DPPA3: variants seen among roughly 807,000 people sequenced by gnomAD.
DPPA3 encodes the protein developmental pluripotency-associated protein 3.
A neutral mutation model predicts 15.6 loss-of-function variants in DPPA3; 9 were observed. The ratio of observed to expected loss-of-function variants is 0.58; its 90% confidence interval spans 0.35 to 1.01. The LOEUF (loss-of-function observed/expected upper bound fraction) is 1.01. DPPA3 is among the 50% of genes least tolerant of loss of function. DPPA3 has a pLI of 0.02. For synonymous variants in DPPA3, 61 were observed against 70.9 expected (o/e 0.86, Z 0.70); for missense variants, 148 against 194.6 (o/e 0.76, Z 1.42).
chr12:7,713,758 G>A (rs1295678771), intron 1 of DPPA3, among the ~76,000 whole-genome samples: 1 of 152,204 alleles, frequency 6.6e-6, no homozygotes, highest in Admixed American at 6.5e-5. Flanking sequence ...GGAGAAAATA[G>A]TATATGGGTT....
intron 1 of DPPA3, among the ~76,000 whole-genome samples, chr12:7,713,337 AG>A (rs1361319217): frequency 6.6e-6 from 1 of 152,244 alleles, no homozygotes; most frequent in African/African-American, 2.4e-5. Flanking sequence ...CGAGTGGGAA[AG>A]AAAAATGAAC....
chr12:7,716,214 CA>C lies in DPPA3; in HGVS notation c.347del (p.Asn116ThrfsTer34), dbSNP rs1261977056. The stretch of plus-strand genomic sequence containing the variant: ...CCCATGAAGCATGAAAGAAGACCAA[CA>C]AACAAGGAGCCTAAGGGAGTTAAGG... ...GGVRTHERRP[T>X]NKEPKGVKKE... On this transcript the variant is annotated frameshift_variant, in exon 3 of 4. Coordinates refer to ENST00000345088, the MANE Select transcript of DPPA3 (RefSeq NM_199286.4). LOFTEE classifies it low-confidence loss of function (END_TRUNC). The C allele has an allele frequency of 1.9e-6, 3 of 1,605,274 alleles. No individual in the cohort carries two copies. The Admixed American group carries it at 5.1e-5, about 27-fold the overall frequency.
At chr12:7,714,864 C>T (rs1343713582) in intron 1 of DPPA3, among the ~76,000 whole-genome samples, 2 of 152,042 alleles carry the variant, frequency 1.3e-5, no homozygotes, top group Non-Finnish European at 2.9e-5. Flanking sequence ...AGGCGCCCGC[C>T]ACAACGCCCG....
chr12:7,716,127 T>G, intron 2 of DPPA3, 71 bp from the exon 3 acceptor site: 2 of 1,321,200 alleles, frequency 1.5e-6, no homozygotes, highest in Non-Finnish European at 2.1e-6. Flanking sequence ...CTTCTCTCCC[T>G]TATATAGATG....
chr12:7,711,718 GTCTTTTTT>G, intron 1 of DPPA3, 66 bp downstream of exon 1: 5 of 559,772 alleles, frequency 8.9e-6, no homozygotes, highest in South Asian at 3.0e-5. Context: ...AAAGGCTGCC[GTCTTTTTT>G]TTTTTTTTTT....
chr12:7,715,468 G>A (rs751142379), intron 2 of DPPA3, 41 bp downstream of exon 2: 2 of 1,613,102 alleles, frequency 1.2e-6, no homozygotes, highest in Non-Finnish European at 1.7e-6. Context: ...CAATTCCGGA[G>A]AGTGACACTC....
intron 3 of DPPA3, 41 bp downstream of exon 3, chr12:7,716,280 T>TTTTGGC: frequency 2.7e-6 from 4 of 1,468,552 alleles, no homozygotes; most frequent in Non-Finnish European, 3.7e-6. Flanking sequence ...TTTTTTTTTT[T>TTTTGGC]TGGCTATATA....
chr12:7,712,064 C>T (rs2136890385), intron 1 of DPPA3, among the ~76,000 whole-genome samples: 3 of 55,122 alleles, frequency 5.4e-5, no homozygotes, highest in South Asian at 1.6e-3. Flanking sequence ...TACAGGCGCC[C>T]GCCACCGCGC....
chr12:7,714,073 G>GA (rs1027040088), intron 1 of DPPA3, among the ~76,000 whole-genome samples: 1 of 150,782 alleles, frequency 6.6e-6, no homozygotes, highest in African/African-American at 2.4e-5. Context: ...CTAAAAAATA[G>GA]AAAAAAATTA....
chr12:7,717,313 T>C lies in DPPA3; in HGVS notation c.*236T>C, dbSNP rs1055425. The C allele has an allele frequency of 0.39, 157,177 of 400,014 alleles. 31,518 individuals are homozygous for C. The highest frequency in any genetic ancestry group is 0.47 in the Middle Eastern group (672 of 1,416). The allele number at this position is 400,014 out of a possible 1,614,324, so 24.8% of individuals were successfully genotyped here. On this transcript the variant is annotated 3_prime_UTR_variant, in exon 4 of 4. Coordinates refer to ENST00000345088, the MANE Select transcript of DPPA3 (RefSeq NM_199286.4). ...TTGATTTGACCCAAAGAAGCCAAGA[T>C]GATATAAGTATTCCCATGTGTCTTA... is the stretch of plus-strand genomic sequence containing the variant.
intron 1 of DPPA3, 97 bp downstream of exon 1, chr12:7,711,749 T>TTTA (rs1491527600): frequency 1.3e-6 from 1 of 764,320 alleles, no homozygotes; most frequent in African/African-American, 2.2e-5. Flanking sequence ...TTTTTTTTTT[T>TTTA]AATGTTGACT....
At chr12:7,711,675 T>G in intron 1 of DPPA3, 23 bp downstream of exon 1, 2 of 1,601,196 alleles carry the variant, frequency 1.2e-6, no homozygotes, top group Non-Finnish European at 1.7e-6. Flanking sequence ...ATGCCCTTCT[T>G]GACTATCTGA....
intron 1 of DPPA3, 30 bp downstream of exon 1, chr12:7,711,682 C>CT (rs1297172611): frequency 1.9e-5 from 26 of 1,400,502 alleles, no homozygotes; most frequent in Non-Finnish European, 2.5e-5. Context: ...TCTTGACTAT[C>CT]TGACTATAGG....
At chr12:7,715,101 TC>T in intron 1 of DPPA3, 81 bp from the exon 2 acceptor site, 1 of 1,592,612 alleles carries the variant, frequency 6.3e-7, no homozygotes, top group Non-Finnish European at 8.6e-7. Context: ...AGCGCCCTGT[TC>T]CCCTGCTTAA....
chr12:7,712,961 C>T (rs1044907522), intron 1 of DPPA3, among the ~76,000 whole-genome samples: 5 of 152,138 alleles, frequency 3.3e-5, no homozygotes, highest in African/African-American at 7.2e-5. Flanking sequence ...AGGGAGAGGC[C>T]GTAAACGTGC....
Position 7,716,979 on chromosome 12 carries a change from C to T in DPPA3, c.382C>T (p.Pro128Ser). 3.1e-6 allele frequency: 5 copies of T among 1,612,678 alleles called. No individual in the cohort carries two copies. Among genetic ancestry groups the T allele is most frequent in the Non-Finnish European group, 4.2e-6 (5 of 1,179,022 alleles). Residue 128 changes from proline to serine, a missense_variant, in exon 4 of 4, where the codon CCA (proline) becomes TCA (serine). Physicochemically the swap from Pro to Ser is moderately conservative, Grantham distance 74. Transcript: ENST00000345088. ...EPKGVKKESR[P>S]FKCPCSFCVS... Reference sequence around the variant, plus strand: ...CATTTTTTTTCAGAAGGAATCAAGACCATTCAAATGTCCCTGCAGTTTCTG... The same window carrying T: ...CATTTTTTTTCAGAAGGAATCAAGATCATTCAAATGTCCCTGCAGTTTCTG...
intron 3 of DPPA3, among the ~76,000 whole-genome samples, 180 bp downstream of exon 3, chr12:7,716,419 T>C (rs1407136967): frequency 6.6e-6 from 1 of 152,048 alleles, no homozygotes; most frequent in Non-Finnish European, 1.5e-5. Flanking sequence ...ATATATTCTT[T>C]ATTCTTTATT....
In DPPA3 at chr12:7,717,041, A is replaced by G; in HGVS notation, c.444A>G (p.Arg148=). 3 of 1,613,832 alleles carry G rather than the reference A, an allele frequency of 1.9e-6. No individual in the cohort carries two copies. Among genetic ancestry groups the G allele is most frequent in the Non-Finnish European group, 2.5e-6 (3 of 1,179,944 alleles). ...GATGGGATCCTTCTGAGAATGCTAG[A>G]ATAGGGAATCAAGACACCAAGCCAC... ...SNGWDPSENA[R]IGNQDTKPLQ... is the part of the protein sequence containing the mutation. The change falls in exon 4 of 4, where the codon AGA becomes AGG. Residue 148 remains arginine (R), a synonymous_variant. Transcript: ENST00000345088.
intron 2 of DPPA3, among the ~76,000 whole-genome samples, chr12:7,715,677 A>G (rs1864391602): frequency 2.0e-5 from 3 of 152,074 alleles, no homozygotes. Context: ...GGCACCTGCA[A>G]TCTCAGCTAC....
Sources: gnomAD v4.1 joint callset for allele counts (sites outside exome capture counted in the v4.1 genomes callset) on GRCh38, gnomAD v4.1.1 for gene constraint, MANE v1.5 for transcripts, NCBI Gene and HGNC (gene_info 2026-07-23, HGNC 2026-07-21) for gene names.